The following ABLIM1 variants were observed in gnomAD, a reference collection of about 807,000 sequenced individuals.
The protein encoded by ABLIM1 is actin-binding LIM protein 1.
Under a neutral mutation model 107.0 loss-of-function variants are expected in ABLIM1, and 40 were observed. That is an observed-to-expected ratio of 0.37 (90% CI 0.29 to 0.49). The LOEUF is 0.49. Among genes scored for constraint, ABLIM1 ranks in the 20% least tolerant of loss-of-function variants. ABLIM1 has a pLI of 0.97. For synonymous variants in ABLIM1, 357 were observed against 357.3 expected (o/e 1.00, Z 0.01); for missense variants, 857 against 1,008.5 (o/e 0.85, Z 2.04).
At chr10:114,583,525 T>C (rs1327506680) in intron 2 of ABLIM1, among the ~76,000 whole-genome samples, 1 of 126,916 alleles carries the variant, frequency 7.9e-6, no homozygotes, top group Non-Finnish European at 1.7e-5. Context: ...TTGGTGGGAA[T>C]GTAAATTTGT....
intron 1 of ABLIM1, among the ~76,000 whole-genome samples, chr10:114,618,532 T>A (rs2077270608): frequency 6.6e-6 from 1 of 152,188 alleles, no homozygotes; most frequent in African/African-American, 2.4e-5. Context: ...GGTAGAGACG[T>A]GATTTGCCCA....
intron 1 of ABLIM1, among the ~76,000 whole-genome samples, chr10:114,741,298 T>C (rs1334559745): frequency 1.5e-5 from 2 of 132,174 alleles, no homozygotes; most frequent in Non-Finnish European, 3.1e-5. Context: ...CCATCTCAGC[T>C]CACTGCAAGC....
intron 1 of ABLIM1, among the ~76,000 whole-genome samples, chr10:114,694,897 G>A (rs1283045773): frequency 2.0e-5 from 3 of 152,152 alleles, no homozygotes; most frequent in South Asian, 2.1e-4. Context: ...CTCAAAACCC[G>A]GACATTGAGC....
chr10:114,735,598 T>C (rs753433584), intron 1 of ABLIM1, among the ~76,000 whole-genome samples: 14 of 152,168 alleles, frequency 9.2e-5, no homozygotes, highest in Non-Finnish European at 1.5e-4. Flanking sequence ...GTCTCCTGAG[T>C]AGCTGGGACT....
At chr10:114,497,368 C>T (rs914146323) in intron 6 of ABLIM1, among the ~76,000 whole-genome samples, 6 of 152,110 alleles carry the variant, frequency 3.9e-5, no homozygotes, top group East Asian at 1.9e-4. Context: ...TTGTACCCTG[C>T]TCCTTAAAAA....
chr10:114,490,271 T>C (rs1332850670), intron 7 of ABLIM1, among the ~76,000 whole-genome samples: 1 of 152,196 alleles, frequency 6.6e-6, no homozygotes, highest in East Asian at 1.9e-4. Flanking sequence ...CTTTCAAAAT[T>C]CCGTGATGTT....
intron 1 of ABLIM1, among the ~76,000 whole-genome samples, chr10:114,616,463 T>C (rs2077137934): frequency 6.6e-6 from 1 of 152,216 alleles, no homozygotes; most frequent in African/African-American, 2.4e-5. Flanking sequence ...GCCCAAAGGA[T>C]CTGGGCACTG....
intron 1 of ABLIM1, among the ~76,000 whole-genome samples, chr10:114,653,620 T>C (rs987518487): frequency 2.2e-4 from 33 of 152,236 alleles, no homozygotes; most frequent in Non-Finnish European, 7.3e-5. Flanking sequence ...TGACAGCCGT[T>C]CTTCAAGAAC....
chr10:114,522,036 G>T (rs565696950), intron 6 of ABLIM1, among the ~76,000 whole-genome samples: 29 of 152,274 alleles, frequency 1.9e-4, no homozygotes, highest in South Asian at 1.2e-3. Context: ...GGAAGAATGT[G>T]CCAGGCTCAG....
rs1357196537 is a variant in ABLIM1 at position 114,435,214 on chromosome 10, T to C, written c.*1046A>G. 1.3e-5 allele frequency: 2 copies of C among 152,220 alleles called. No homozygotes were observed. Among genetic ancestry groups the C allele is most frequent in the Non-Finnish European group, 2.9e-5 (2 of 68,048 alleles). The allele number at this position is 152,220 out of a possible 1,614,324, so 9.4% of individuals were successfully genotyped here. A position where few individuals can be genotyped will look rare whatever the true frequency, so the allele number is the denominator to read the frequency against. Reference sequence around the variant, plus strand: ...GATTTAAAAGAGAAAAACATGTCTTTCCTTAGCCTATTATTGAAAGAAACC... The same window carrying C: ...GATTTAAAAGAGAAAAACATGTCTTCCCTTAGCCTATTATTGAAAGAAACC... On this transcript the variant is annotated 3_prime_UTR_variant, in exon 23 of 23. Transcript: ENST00000533213.
At chr10:114,639,812 G>A (rs570990154) in intron 1 of ABLIM1, among the ~76,000 whole-genome samples, 5 of 152,322 alleles carry the variant, frequency 3.3e-5, no homozygotes, top group South Asian at 2.1e-4. Context: ...GATGAGATGC[G>A]TGCAGTTTGT....
intron 2 of ABLIM1, among the ~76,000 whole-genome samples, chr10:114,576,108 T>A (rs2072500633): frequency 6.6e-6 from 1 of 152,240 alleles, no homozygotes; most frequent in Admixed American, 6.5e-5. Flanking sequence ...TTTCATTTTT[T>A]CTTTGTGCAG....
chr10:114,712,903 G>A (rs1307139764), intron 1 of ABLIM1, among the ~76,000 whole-genome samples: 1 of 152,108 alleles, frequency 6.6e-6, no homozygotes, highest in Non-Finnish European at 1.5e-5. Context: ...GCATCTTCAT[G>A]GCCAGGCACA....
chr10:114,688,872 GT>G (rs2081006175), upstream of ABLIM1, among the ~76,000 whole-genome samples: 1 of 152,188 alleles, frequency 6.6e-6, no homozygotes, highest in Non-Finnish European at 1.5e-5. Flanking sequence ...AAGTTCAGCA[GT>G]CCAAAAATTT....
At chr10:114,734,397 A>G (rs2082136726) in intron 1 of ABLIM1, among the ~76,000 whole-genome samples, 1 of 152,094 alleles carries the variant, frequency 6.6e-6, no homozygotes, top group African/African-American at 2.4e-5. Flanking sequence ...TGTGGTCCTA[A>G]CCCAGGTTTC....
intron 6 of ABLIM1, among the ~76,000 whole-genome samples, chr10:114,517,637 G>A (rs1267230549): frequency 1.3e-5 from 2 of 152,270 alleles, no homozygotes; most frequent in African/African-American, 4.8e-5. Context: ...AGTACAATGT[G>A]GGTCTGTACT....
chr10:114,628,226 C>G (rs2077944117), intron 1 of ABLIM1, among the ~76,000 whole-genome samples: 1 of 152,224 alleles, frequency 6.6e-6, no homozygotes, highest in Non-Finnish European at 1.5e-5. Flanking sequence ...GTCTTAGCAC[C>G]CCACTGCTCT....
rs182076664 is a variant in ABLIM1 at position 114,640,396 on chromosome 10, G to A, written c.244+17561C>T. ...ACAAAAATTAGCTGGGCATGGTGACGGGTACCTGTAGTCCCAGCTACTTGG... is the reference window on the plus strand; with the variant it reads ...ACAAAAATTAGCTGGGCATGGTGACAGGTACCTGTAGTCCCAGCTACTTGG... On this transcript the variant is annotated intron_variant, in intron 1 of 22. Transcript: ENST00000533213. 4.1e-3 allele frequency among the ~76,000 whole-genome samples: 619 copies of A among 152,236 alleles called. 4 individuals carry two copies. The highest frequency in any genetic ancestry group is 0.014 in the African/African-American group (591 of 41,548).
upstream of ABLIM1, among the ~76,000 whole-genome samples, chr10:114,662,693 A>T (rs1190068223): frequency 1.3e-5 from 2 of 152,180 alleles, no homozygotes; most frequent in East Asian, 3.9e-4. Flanking sequence ...TCAAAATGGA[A>T]CAAGCAGCCA....
Sources: gnomAD v4.1 joint callset for allele counts (sites outside exome capture counted in the v4.1 genomes callset) on GRCh38, gnomAD v4.1.1 for gene constraint, MANE v1.5 for transcripts, NCBI Gene and HGNC (gene_info 2026-07-23, HGNC 2026-07-21) for gene names.